Variants in SLC25A21 observed in about 807,000 individuals in gnomAD.
SLC25A21 encodes the protein solute carrier family 25 member 21.
SLC25A21 carries 47 observed loss-of-function variants against 43.8 expected under a neutral mutation model. The observed-to-expected ratio is 1.07, with a 90% confidence interval of 0.85 to 1.37. SLC25A21 has a LOEUF of 1.37. SLC25A21 is among the 40% of genes most tolerant of loss of function. The probability of loss-of-function intolerance (pLI) is 0.00; values close to 1 mark genes in which losing one functional copy is unlikely to be tolerated. For synonymous variants in SLC25A21, 131 were observed against 121.3 expected (o/e 1.08, Z -0.52); for missense variants, 352 against 350.2 (o/e 1.00, Z -0.04).
intron 1 of SLC25A21, among the ~76,000 whole-genome samples, chr14:37,049,228 A>C (rs545451300): frequency 1.3e-5 from 2 of 152,324 alleles, no homozygotes; most frequent in African/African-American, 4.8e-5. Flanking sequence ...CACGTCAGTA[A>C]GTTTCACCAA....
At chr14:36,770,477 C>T (rs1318721986) in intron 3 of SLC25A21, among the ~76,000 whole-genome samples, 1 of 152,074 alleles carries the variant, frequency 6.6e-6, no homozygotes. Flanking sequence ...TCACGCAATA[C>T]ATGTACAGTA....
At chr14:37,021,786 T>C (rs1960991429) in intron 1 of SLC25A21, among the ~76,000 whole-genome samples, 2 of 151,976 alleles carry the variant, frequency 1.3e-5, no homozygotes, top group African/African-American at 4.8e-5. Context: ...CAGTAACTAT[T>C]GTGCATTGAT....
chr14:37,049,405 C>T (rs1160492627), intron 1 of SLC25A21, among the ~76,000 whole-genome samples: 3 of 151,908 alleles, frequency 2.0e-5, no homozygotes, highest in African/African-American at 7.3e-5. Context: ...GAGACCCCAT[C>T]TCTACAAAAA....
At position 36,720,187 on chromosome 14, in the gene SLC25A21, C is replaced by T. The variant is rs546097090; in HGVS notation, c.438+5383G>A. ...CCTTTGTTCCATCGCTGTCTCTCCCCTTACCCAGAAGACTTTCAGTATTAT... is the reference window on the plus strand; with the variant it reads ...CCTTTGTTCCATCGCTGTCTCTCCCTTTACCCAGAAGACTTTCAGTATTAT... On this transcript the variant is annotated intron_variant, in intron 6 of 9. Coordinates refer to ENST00000331299, the MANE Select transcript of SLC25A21 (RefSeq NM_030631.4). 4.6e-5 allele frequency among the ~76,000 whole-genome samples: 7 copies of T among 152,326 alleles called. No individual in the cohort carries two copies. The East Asian group carries it at 1.4e-3, about 29-fold the overall frequency.
At chr14:36,803,095 A>AT (rs1210299790) in intron 3 of SLC25A21, among the ~76,000 whole-genome samples, 3 of 152,076 alleles carry the variant, frequency 2.0e-5, no homozygotes, top group Non-Finnish European at 4.4e-5. Flanking sequence ...AATTATCAGC[A>AT]TTTTTTCTCT....
In SLC25A21 at chr14:37,074,272, G is replaced by A. The variant is rs547920125; in HGVS notation, c.70+98009C>T. Among the ~76,000 whole-genome samples, 13 of 151,400 alleles carry A rather than the reference G, an allele frequency of 8.6e-5. No homozygotes were observed. In the South Asian group the frequency reaches 1.3e-3, roughly 15 times the overall value. ...TTCTAATGATGTGGTACTATTCTAC[G>A]GTTGAAACTGATGTTTTCTATATTT... On this transcript the variant is annotated intron_variant, in intron 1 of 9. Transcript: ENST00000331299.
intron 3 of SLC25A21, among the ~76,000 whole-genome samples, chr14:36,735,938 T>C (rs1281651194): frequency 7.3e-6 from 1 of 136,220 alleles, no homozygotes; most frequent in East Asian, 2.1e-4. Context: ...CAATTTTTTT[T>C]TTTTTTTTTT....
At chr14:36,811,740 G>C (rs1888275391) in intron 3 of SLC25A21, among the ~76,000 whole-genome samples, 2 of 152,114 alleles carry the variant, frequency 1.3e-5, no homozygotes, top group African/African-American at 4.8e-5. Context: ...AGTGGTGTTT[G>C]GACAACTGAC....
At position 37,040,361 on chromosome 14, in the gene SLC25A21, GAGAGAGAGAGAGA is replaced by G. The variant is rs1566835192; in HGVS notation, c.70+131907_70+131919del. 1.5e-3 allele frequency among the ~76,000 whole-genome samples: 56 copies of G among 36,998 alleles called. 17 individuals carry two copies. The highest frequency in any genetic ancestry group is 0.011 in the African/African-American group (20 of 1,860). 24.3% of individuals were successfully genotyped at this position (36,998 alleles called of 152,430 possible). A position where few individuals can be genotyped will look rare whatever the true frequency, so the allele number is the denominator to read the frequency against. On this transcript the variant is annotated intron_variant, in intron 1 of 9. Transcript: ENST00000331299. Reference sequence around the variant, plus strand: ...GGAAGGAAGGAAGGAAGGAAAGAAAGAGAGAGAGAGAGAGAAAGAAAGAAAGAAAGAAAGAAAG... The same window carrying G: ...GGAAGGAAGGAAGGAAGGAAAGAAAGGAAAGAAAGAAAGAAAGAAAGAAAG...
At chr14:36,844,853 G>A (rs576515738) in intron 2 of SLC25A21, among the ~76,000 whole-genome samples, 2 of 152,306 alleles carry the variant, frequency 1.3e-5, no homozygotes, top group Admixed American at 6.5e-5. Context: ...GACTGGCCAA[G>A]GGCTAATAGT....
At chr14:36,923,529 A>G (rs1469014122) in intron 1 of SLC25A21, among the ~76,000 whole-genome samples, 1 of 152,168 alleles carries the variant, frequency 6.6e-6, no homozygotes, top group East Asian at 1.9e-4. Flanking sequence ...GTAAATGTAA[A>G]ATCATTTTTA....
At chr14:37,028,247 G>T (rs1433005237) in intron 1 of SLC25A21, among the ~76,000 whole-genome samples, 3 of 151,490 alleles carry the variant, frequency 2.0e-5, no homozygotes, top group African/African-American at 7.2e-5. Flanking sequence ...AATAGTGGTT[G>T]AGAAGAAAAA....
Position 37,172,403 on chromosome 14 carries a change from C to A in SLC25A21, c.-53G>T. The stretch of plus-strand genomic sequence containing the variant: ...GGGCTGAGATGCGTCAACGAGCTCG[C>A]AGCCTGCACAGCCTACTGATCCAGA... On this transcript the variant is annotated 5_prime_UTR_variant, in exon 1 of 10. Transcript: ENST00000331299. 1 of 1,518,438 alleles carries A rather than the reference C, an allele frequency of 6.6e-7. No individual in the cohort carries two copies. Among genetic ancestry groups the A allele is most frequent in the Non-Finnish European group, 9.0e-7 (1 of 1,115,088 alleles). The allele number at this position is 1,518,438 out of a possible 1,614,324, so 94.1% of individuals were successfully genotyped here. A position where few individuals can be genotyped will look rare whatever the true frequency, so the allele number is the denominator to read the frequency against.
intron 1 of SLC25A21, among the ~76,000 whole-genome samples, chr14:37,144,070 G>A (rs937549778): frequency 6.6e-6 from 1 of 152,084 alleles, no homozygotes; most frequent in African/African-American, 2.4e-5. Context: ...CCTTGGGGTC[G>A]AGGGCTTAGA....
intron 1 of SLC25A21, among the ~76,000 whole-genome samples, chr14:37,152,445 A>C (rs944856332): frequency 1.3e-5 from 2 of 148,480 alleles, no homozygotes; most frequent in Non-Finnish European, 3.0e-5. Flanking sequence ...GCAGTGGCAC[A>C]ATCTCAGCTC....
rs1043372225 is a variant in SLC25A21 at position 37,057,480 on chromosome 14, C to A, written c.70+114801G>T. ...TGAGTTTTCTAGCTCCCTTTTCATA[C>A]CCTCAACCAAAAAGTGACTGGATCT... On this transcript the variant is annotated intron_variant, in intron 1 of 9. Coordinates refer to ENST00000331299, the MANE Select transcript of SLC25A21 (RefSeq NM_030631.4). 2.6e-5 allele frequency among the ~76,000 whole-genome samples: 4 copies of A among 152,118 alleles called. 1 individual carries two copies. The highest frequency in any genetic ancestry group is 2.0e-4 in the Admixed American group (3 of 15,280).
chr14:36,768,139 G>T (rs2138350427), intron 3 of SLC25A21, among the ~76,000 whole-genome samples: 1 of 152,292 alleles, frequency 6.6e-6, no homozygotes, highest in East Asian at 1.9e-4. Context: ...AATAGCTTTT[G>T]CTTACTGGCT....
intron 5 of SLC25A21, among the ~76,000 whole-genome samples, chr14:36,727,708 T>C (rs1306453734): frequency 2.0e-5 from 3 of 150,624 alleles, no homozygotes; most frequent in Admixed American, 6.6e-5. Context: ...AAAAAGAAAA[T>C]GAAAAAGAAA....
At chr14:37,136,981 C>A (rs545901455) in intron 1 of SLC25A21, among the ~76,000 whole-genome samples, 1 of 152,228 alleles carries the variant, frequency 6.6e-6, no homozygotes, top group South Asian at 2.1e-4. Flanking sequence ...TGTCTGAAAT[C>A]TGTATGGCAC....
Sources: gnomAD v4.1 joint callset for allele counts (sites outside exome capture counted in the v4.1 genomes callset) on GRCh38, gnomAD v4.1.1 for gene constraint, MANE v1.5 for transcripts, NCBI Gene and HGNC (gene_info 2026-07-23, HGNC 2026-07-21) for gene names.